Variants in MED13L observed in about 807,000 individuals in gnomAD.
MED13L encodes mediator complex subunit 13L.
MED13L carries 7 observed loss-of-function variants against 220.9 expected under a neutral mutation model. That is an observed-to-expected ratio of 0.03 (90% CI 0.02 to 0.06). The LOEUF (loss-of-function observed/expected upper bound fraction) is 0.06. Among genes scored for constraint, MED13L ranks in the 10% least tolerant of loss-of-function variants. The pLI, the probability that MED13L is intolerant of heterozygous loss-of-function variation, is 1.00. For synonymous variants in MED13L, 1,011 were observed against 1,015.2 expected (o/e 1.00, Z 0.08); for missense variants, 1,965 against 2,760.5 (o/e 0.71, Z 6.46).
At chr12:116,069,663 T>C (rs1870221101) in intron 4 of MED13L, among the ~76,000 whole-genome samples, 1 of 152,192 alleles carries the variant, frequency 6.6e-6, no homozygotes, top group Non-Finnish European at 1.5e-5. Flanking sequence ...TTAATACACG[T>C]AGTGCACTCC....
intron 16 of MED13L, among the ~76,000 whole-genome samples, chr12:115,994,414 T>C (rs893071083): frequency 6.6e-6 from 1 of 152,094 alleles, no homozygotes; most frequent in African/African-American, 2.4e-5. Flanking sequence ...TGTGCCACTG[T>C]ACTCCAGCCC....
At chr12:116,004,057 T>G (rs1006864738) in intron 13 of MED13L, among the ~76,000 whole-genome samples, 1 of 152,320 alleles carries the variant, frequency 6.6e-6, no homozygotes, top group African/African-American at 2.4e-5. Flanking sequence ...TTAAGCTTAA[T>G]AGTAATTCAT....
chr12:116,083,816 CTCAGTACCT>C (rs1390108200), intron 4 of MED13L, among the ~76,000 whole-genome samples: 1 of 152,138 alleles, frequency 6.6e-6, no homozygotes, highest in East Asian at 1.9e-4. Context: ...AATTTGGTCC[CTCAGTACCT>C]TCAACTGATT....
At chr12:116,264,868 C>A (rs1291674262) in intron 1 of MED13L, among the ~76,000 whole-genome samples, 1 of 152,136 alleles carries the variant, frequency 6.6e-6, no homozygotes. Context: ...TGGTGCACGC[C>A]TGAAATTCCA....
chr12:116,272,809 C>G (rs2138599226), intron 1 of MED13L, among the ~76,000 whole-genome samples: 1 of 152,238 alleles, frequency 6.6e-6, no homozygotes, highest in East Asian at 1.9e-4. Flanking sequence ...TAAAACAGTC[C>G]AGTAAACTGC....
At chr12:115,968,411 A>G (rs1385963138) in intron 28 of MED13L, among the ~76,000 whole-genome samples, 1 of 152,184 alleles carries the variant, frequency 6.6e-6, no homozygotes. Flanking sequence ...TGTAAAATCA[A>G]TCTCCTGGCG....
intron 1 of MED13L, among the ~76,000 whole-genome samples, chr12:116,272,044 C>G (rs576177270): frequency 6.6e-6 from 1 of 152,254 alleles, no homozygotes; most frequent in African/African-American, 2.4e-5. Flanking sequence ...AGTTGAGAGA[C>G]AGCTGAATTA....
At chr12:115,989,357 C>T (rs1428931342) in intron 17 of MED13L, among the ~76,000 whole-genome samples, 2 of 152,074 alleles carry the variant, frequency 1.3e-5, no homozygotes, top group Non-Finnish European at 2.9e-5. Context: ...GAAACACTGG[C>T]TACCCCTGGC....
chr12:116,160,180 AAAAC>A (rs1159958084), intron 2 of MED13L, among the ~76,000 whole-genome samples: 7 of 152,246 alleles, frequency 4.6e-5, no homozygotes, highest in Non-Finnish European at 7.3e-5. Flanking sequence ...CCATTATAAT[AAAAC>A]AGACAGATAT....
chr12:116,105,661 A>AT (rs1330225104), intron 3 of MED13L, among the ~76,000 whole-genome samples: 2 of 152,220 alleles, frequency 1.3e-5, no homozygotes, highest in Non-Finnish European at 2.9e-5. Context: ...TTTCAGTAAC[A>AT]TAACTGGCCA....
At chr12:116,193,258 C>T (rs572967579) in intron 2 of MED13L, among the ~76,000 whole-genome samples, 1 of 152,292 alleles carries the variant, frequency 6.6e-6, no homozygotes, top group South Asian at 2.1e-4. Flanking sequence ...CTGCAGTGAG[C>T]TACGATCATG....
Position 116,008,382 on chromosome 12 carries a change from G to T in MED13L, c.2012+19C>A. ...TGCCCTTCCGGTGGACGGGTGGGTG[G>T]TGCAGAGAGCTGTCTTACCTTTGCA... On this transcript the variant is annotated intron_variant, in intron 10 of 30. Coordinates refer to ENST00000281928, the MANE Select transcript of MED13L (RefSeq NM_015335.5). 1 of 1,596,378 alleles carries T rather than the reference G, an allele frequency of 6.3e-7. No individual in the cohort carries two copies. The highest frequency in any genetic ancestry group is 1.1e-5 in the South Asian group (1 of 88,898).
chr12:116,107,525 A>G (rs1424119701), intron 3 of MED13L, among the ~76,000 whole-genome samples: 1 of 152,238 alleles, frequency 6.6e-6, no homozygotes, highest in Non-Finnish European at 1.5e-5. Context: ...TTGTTTTTCA[A>G]TAACTCACTT....
intron 2 of MED13L, among the ~76,000 whole-genome samples, chr12:116,200,922 A>C (rs911495750): frequency 6.6e-6 from 1 of 152,152 alleles, no homozygotes; most frequent in African/African-American, 2.4e-5. Flanking sequence ...GGTGTAAGCA[A>C]AAGGGCACAT....
At chr12:116,153,211 G>A (rs181674704) in intron 2 of MED13L, among the ~76,000 whole-genome samples, 25 of 152,312 alleles carry the variant, frequency 1.6e-4, no homozygotes, top group Non-Finnish European at 1.3e-4. Flanking sequence ...GGAATGACCT[G>A]GTTAAAGAGT....
rs576022769 is a variant in MED13L, at chr12:116,214,886, T to C, written c.310+22582A>G. ...TTTGTTGCCTCACAGACATGCACTT[T>C]CATTGGACTGATAAATTCAGGCCAC... On this transcript the variant is annotated intron_variant, in intron 2 of 30. Coordinates refer to ENST00000281928, the MANE Select transcript of MED13L (RefSeq NM_015335.5). Among the ~76,000 whole-genome samples, 209 of 152,334 alleles carry C rather than the reference T, an allele frequency of 1.4e-3. 3 individuals carry two copies. The highest frequency in any genetic ancestry group is 0.01 in the Middle Eastern group (3 of 294).
chr12:116,146,919 T>C (rs759423772), intron 2 of MED13L, among the ~76,000 whole-genome samples: 1 of 151,868 alleles, frequency 6.6e-6, no homozygotes, highest in Middle Eastern at 3.4e-3. Flanking sequence ...CTAAATAGCC[T>C]CAACTCATCA....
intron 4 of MED13L, among the ~76,000 whole-genome samples, chr12:116,034,369 C>G (rs1412759905): frequency 6.6e-6 from 1 of 151,984 alleles, no homozygotes; most frequent in Non-Finnish European, 1.5e-5. Context: ...ATAAATAAAG[C>G]CTAGAATTCT....
intron 2 of MED13L, among the ~76,000 whole-genome samples, chr12:116,191,475 C>T (rs1041559993): frequency 2.8e-4 from 42 of 151,876 alleles, no homozygotes; most frequent in African/African-American, 3.1e-4. Context: ...GGATTACAGG[C>T]GCCCGCCACC....
Sources: allele counts gnomAD v4.1 joint callset (sites outside exome capture counted in the v4.1 genomes callset), GRCh38; gene constraint gnomAD v4.1.1; transcripts MANE v1.5; gene names NCBI Gene and HGNC (gene_info 2026-07-23, HGNC 2026-07-21).